Variants in DOCK5 observed in about 807,000 individuals in gnomAD.
DOCK5 encodes the protein dedicator of cytokinesis 5.
DOCK5 carries 142 observed loss-of-function variants against 251.8 expected under a neutral mutation model. That is an observed-to-expected ratio of 0.56 (90% CI 0.49 to 0.65). DOCK5 has a LOEUF of 0.65. Among genes scored for constraint, DOCK5 ranks in the 30% least tolerant of loss-of-function variants. DOCK5 has a pLI of 0.00. For missense variants in DOCK5, 2,111 were observed against 2,312.3 expected, an observed-to-expected ratio of 0.91 and a Z score of 1.79; for synonymous variants, 842 against 835.5, an observed-to-expected ratio of 1.01 and a Z score of -0.13.
rs143725247 is a variant in DOCK5, at chr8:25,369,769, C to A, written c.3524+128C>A. ...TCACTAGGGCCACCCCCACTGTGGT[C>A]TTCAGTATGGTTATGGGGTGTATAC... On this transcript the variant is annotated intron_variant, in intron 34 of 51. Transcript: ENST00000276440. The A allele has an allele frequency of 1.7e-3, 1,177 of 698,392 alleles. 4 individuals carry two copies. The highest frequency in any genetic ancestry group is 2.0e-3 in the Non-Finnish European group (828 of 414,298). 43.3% of individuals were successfully genotyped at this position (698,392 alleles called of 1,614,324 possible).
At chr8:25,281,033 T>G (rs1025805032) in intron 5 of DOCK5, among the ~76,000 whole-genome samples, 4 of 152,088 alleles carry the variant, frequency 2.6e-5, no homozygotes, top group African/African-American at 9.7e-5. Flanking sequence ...CCGACTTTTT[T>G]TCTTGCTAAA....
chr8:25,252,274 C>G (rs1318156596), intron 2 of DOCK5, among the ~76,000 whole-genome samples: 1 of 152,146 alleles, frequency 6.6e-6, no homozygotes, highest in Non-Finnish European at 1.5e-5. Flanking sequence ...ACAAAAGATT[C>G]AAAATTGCTG....
At position 25,412,712 on chromosome 8, in the gene DOCK5, C is replaced by T. The variant is rs1801652557; in HGVS notation, c.*1414C>T. 6.6e-6 allele frequency: 1 copy of T among 152,220 alleles called. No homozygotes were observed. The highest frequency in any genetic ancestry group is 2.4e-5 in the African/African-American group (1 of 41,434). 9.4% of individuals were successfully genotyped at this position (152,220 alleles called of 1,614,324 possible). ...TGGTGGTCTCTCCCACAACCTTGCC[C>T]AGAGTCCTTTCCACTAAGGAGGTGA... On this transcript the variant is annotated 3_prime_UTR_variant, in exon 52 of 52. Transcript: ENST00000276440.
At chr8:25,287,241 G>C (rs2117143293) in intron 5 of DOCK5, among the ~76,000 whole-genome samples, 1 of 152,300 alleles carries the variant, frequency 6.6e-6, no homozygotes, top group African/African-American at 2.4e-5. Context: ...AGCCTGGCCA[G>C]TATGGCAAAA....
At chr8:25,367,705 C>G (rs1304357864) in intron 31 of DOCK5, among the ~76,000 whole-genome samples, 1 of 152,186 alleles carries the variant, frequency 6.6e-6, no homozygotes, top group Non-Finnish European at 1.5e-5. Flanking sequence ...CCTTTGTGGA[C>G]AGTATCACTC....
chr8:25,375,069 T>A, intron 37 of DOCK5: 1 of 857,662 alleles, frequency 1.2e-6, no homozygotes, highest in Non-Finnish European at 1.5e-6. Flanking sequence ...TAAATACATC[T>A]ATATGTTATG....
chr8:25,330,090 G>A (rs1238550502), intron 18 of DOCK5, among the ~76,000 whole-genome samples: 1 of 152,140 alleles, frequency 6.6e-6, no homozygotes, highest in Non-Finnish European at 1.5e-5. Flanking sequence ...CCCTGGTGAA[G>A]GGACTAAATC....
At chr8:25,401,517 G>C (rs1022889924) in intron 47 of DOCK5, among the ~76,000 whole-genome samples, 2 of 152,162 alleles carry the variant, frequency 1.3e-5, no homozygotes, top group African/African-American at 4.8e-5. Flanking sequence ...CTGATCACTT[G>C]TGGTCAGGAG....
rs55869213 is a variant in DOCK5, at chr8:25,239,341, A to ATGTGTGTG, written c.44-4311_44-4304dup. Among the ~76,000 whole-genome samples the ATGTGTGTG allele has an allele frequency of 5.0e-3, 709 of 142,270 alleles. 7 individuals carry two copies. Among genetic ancestry groups the ATGTGTGTG allele is most frequent in the African/African-American group, 0.014 (517 of 36,784 alleles). The allele number at this position is 142,270 out of a possible 152,430, so 93.3% of individuals were successfully genotyped here. A position where few individuals can be genotyped will look rare whatever the true frequency, so the allele number is the denominator to read the frequency against. ...TATATGTGTGTGTGTGTGTGTGTGT[A>ATGTGTGTG]TGTGTGTGTGTGTGTGTGTGTGTGT... On this transcript the variant is annotated intron_variant, in intron 1 of 51. Transcript: ENST00000276440.
At chr8:25,275,107 A>G (rs548263582) in intron 3 of DOCK5, among the ~76,000 whole-genome samples, 11 of 152,290 alleles carry the variant, frequency 7.2e-5, no homozygotes, top group African/African-American at 2.6e-4. Context: ...ACTCCTTCCC[A>G]TTATGTTATC....
chr8:25,338,377 G>A (rs1476331897), intron 22 of DOCK5, among the ~76,000 whole-genome samples: 1 of 152,062 alleles, frequency 6.6e-6, no homozygotes, highest in Non-Finnish European at 1.5e-5. Context: ...ATGTGACAGG[G>A]TTGTAATTTA....
intron 1 of DOCK5, among the ~76,000 whole-genome samples, chr8:25,208,377 C>T (rs554660947): frequency 3.9e-5 from 6 of 152,302 alleles, no homozygotes; most frequent in African/African-American, 1.4e-4. Flanking sequence ...TATCAAATAG[C>T]ATCACATGCT....
At chr8:25,209,341 C>T (rs538904880) in intron 1 of DOCK5, among the ~76,000 whole-genome samples, 1 of 71,156 alleles carries the variant, frequency 1.4e-5, no homozygotes, top group African/African-American at 3.2e-5. Context: ...GCCAGTCTGG[C>T]AGTGCCAGGG....
In DOCK5 at chr8:25,300,075, T is replaced by A. The variant is rs572903468; in HGVS notation, c.765-501T>A. The stretch of plus-strand genomic sequence containing the variant: ...CACCTGCCACCATGCCCAACCAATT[T>A]TTGTATTTTTAGTAGAGATGGAGTT... On this transcript the variant is annotated intron_variant, in intron 8 of 51. Coordinates refer to ENST00000276440, the MANE Select transcript of DOCK5 (RefSeq NM_024940.8). Among the ~76,000 whole-genome samples the A allele has an allele frequency of 4.2e-3, 647 of 152,258 alleles. 5 individuals are homozygous for A. Among genetic ancestry groups the A allele is most frequent in the African/African-American group, 0.015 (612 of 41,556 alleles).
intron 2 of DOCK5, among the ~76,000 whole-genome samples, chr8:25,263,638 A>C (rs555974695): frequency 6.6e-6 from 1 of 151,538 alleles, no homozygotes; most frequent in African/African-American, 2.4e-5. Context: ...TAGCTCAGCT[A>C]TCCGAGGCCA....
intron 44 of DOCK5, among the ~76,000 whole-genome samples, chr8:25,394,649 A>G (rs938395746): frequency 5.9e-5 from 9 of 152,066 alleles, no homozygotes; most frequent in African/African-American, 2.2e-4. Flanking sequence ...CTTGTCGTTG[A>G]TCTTCTCAAA....
intron 2 of DOCK5, among the ~76,000 whole-genome samples, chr8:25,254,909 C>T (rs1010054939): frequency 1.3e-5 from 2 of 151,784 alleles, no homozygotes; most frequent in African/African-American, 2.4e-5. Context: ...ACAGAAACCT[C>T]GCTAAGGAAG....
In DOCK5 at chr8:25,371,998, C is replaced by T. The variant is rs572226272; in HGVS notation, c.3525-561C>T. Among the ~76,000 whole-genome samples, 4 of 152,198 alleles carry T rather than the reference C, an allele frequency of 2.6e-5. No individual in the cohort carries two copies. The South Asian group carries it at 8.3e-4, about 32-fold the overall frequency. On this transcript the variant is annotated intron_variant, in intron 34 of 51. Coordinates refer to ENST00000276440, the MANE Select transcript of DOCK5 (RefSeq NM_024940.8). Reference sequence around the variant, plus strand: ...TTAGCCTCAGTTTGCTTCTTTATAACTCTGCATTTTTTTCTGAAGCTAACA... The same window carrying T: ...TTAGCCTCAGTTTGCTTCTTTATAATTCTGCATTTTTTTCTGAAGCTAACA...
Position 25,210,046 on chromosome 8 carries a change from G to GAAAAA in DOCK5, c.43+25095_43+25096insAAAAA, listed in dbSNP as rs1563309195. ...TATATATATATATAAATGTGTGTGT[G>GAAAAA]TGTGTGTGTGTGTGTGTGTGTGTAT... On this transcript the variant is annotated intron_variant, in intron 1 of 51. Transcript: ENST00000276440. Among the ~76,000 whole-genome samples the GAAAAA allele has an allele frequency of 7.0e-4, 15 of 21,474 alleles. 3 individuals carry two copies. The highest frequency in any genetic ancestry group is 3.0e-3 in the African/African-American group (14 of 4,728). 14.1% of individuals were successfully genotyped at this position (21,474 alleles called of 152,430 possible). A position where few individuals can be genotyped will look rare whatever the true frequency, so the allele number is the denominator to read the frequency against.
Sources: allele counts gnomAD v4.1 joint callset (sites outside exome capture counted in the v4.1 genomes callset), GRCh38; gene constraint gnomAD v4.1.1; transcripts MANE v1.5; gene names NCBI Gene and HGNC (gene_info 2026-07-23, HGNC 2026-07-21).